The following LRRC4C variants were observed in gnomAD, a reference collection of about 807,000 sequenced individuals.
LRRC4C encodes leucine-rich repeat-containing protein 4C.
A neutral mutation model predicts 33.6 loss-of-function variants in LRRC4C; 5 were observed. The observed-to-expected ratio is 0.15, with a 90% CI of 0.08 to 0.31. LRRC4C has a LOEUF of 0.31. Among genes scored for constraint, LRRC4C ranks in the 10% least tolerant of loss-of-function variants. The probability of loss-of-function intolerance (pLI) is 1.00; values close to 1 mark genes in which losing one functional copy is unlikely to be tolerated. For missense variants in LRRC4C, 560 were observed against 796.7 expected, an observed-to-expected ratio of 0.70 and a Z score of 3.58; for synonymous variants, 329 against 302.0, an observed-to-expected ratio of 1.09 and a Z score of -0.93.
At chr11:41,032,293 A>G (rs1465932771) in intron 1 of LRRC4C, among the ~76,000 whole-genome samples, 4 of 152,088 alleles carry the variant, frequency 2.6e-5, no homozygotes, top group African/African-American at 4.8e-5. Context: ...GATCATATAC[A>G]TCACAATTCT....
chr11:41,458,322 T>A (rs1590344549), intron 1 of LRRC4C, among the ~76,000 whole-genome samples: 1 of 152,162 alleles, frequency 6.6e-6, no homozygotes, highest in Non-Finnish European at 1.5e-5. Context: ...AGAGTAAGAT[T>A]CTGTTGCCTT....
intron 1 of LRRC4C, among the ~76,000 whole-genome samples, chr11:41,381,802 GC>G (rs546762836): frequency 9.3e-5 from 14 of 151,324 alleles, no homozygotes; most frequent in South Asian, 2.1e-4. Context: ...ATTTGAAAAG[GC>G]ATCAAGTAGA....
At chr11:40,901,334 G>A (rs1446602828) in intron 2 of LRRC4C, among the ~76,000 whole-genome samples, 1 of 151,898 alleles carries the variant, frequency 6.6e-6, no homozygotes, top group Non-Finnish European at 1.5e-5. Context: ...AACTCCAAGG[G>A]CTAACAGTGA....
At position 41,273,623 on chromosome 11, in the gene LRRC4C, A is replaced by T. The variant is rs115421934; in HGVS notation, c.-496+185808T>A. On this transcript the variant is annotated intron_variant, in intron 1 of 6. Transcript: ENST00000528697. ...GAAAATGGAGAATTATTGCTCAGTG[A>T]ATATTCATTTTCAGTTACGCAAGAC... 3.7e-3 allele frequency among the ~76,000 whole-genome samples: 562 copies of T among 152,308 alleles called. 2 individuals carry two copies. The highest frequency in any genetic ancestry group is 0.012 in the African/African-American group (485 of 41,582).
intron 1 of LRRC4C, among the ~76,000 whole-genome samples, chr11:41,325,318 C>G (rs145860268): frequency 6.6e-6 from 1 of 152,056 alleles, no homozygotes; most frequent in Non-Finnish European, 1.5e-5. Flanking sequence ...TTATTGAAAA[C>G]TCACTTTTGT....
intron 2 of LRRC4C, among the ~76,000 whole-genome samples, chr11:40,710,535 C>T (rs1052636686): frequency 6.6e-6 from 1 of 152,136 alleles, no homozygotes; most frequent in East Asian, 1.9e-4. Flanking sequence ...TGCAGAACAG[C>T]AAATATTGCA....
intron 1 of LRRC4C, among the ~76,000 whole-genome samples, chr11:41,187,826 G>T (rs1350072014): frequency 2.0e-5 from 3 of 152,182 alleles, no homozygotes; most frequent in East Asian, 1.9e-4. Context: ...GCATGCTCCC[G>T]CTAGAGGTTT....
intron 1 of LRRC4C, among the ~76,000 whole-genome samples, chr11:41,044,185 A>G (rs1184683121): frequency 6.6e-6 from 1 of 152,154 alleles, no homozygotes; most frequent in African/African-American, 2.4e-5. Context: ...AGAATTTTTT[A>G]TAAATCCATA....
At chr11:41,386,732 T>C (rs532531516) in intron 1 of LRRC4C, among the ~76,000 whole-genome samples, 2 of 151,772 alleles carry the variant, frequency 1.3e-5, no homozygotes, top group African/African-American at 4.8e-5. Context: ...CCCAACAGAC[T>C]GAATAATGTC....
intron 2 of LRRC4C, among the ~76,000 whole-genome samples, chr11:40,794,881 G>A (rs1340321290): frequency 1.3e-5 from 2 of 152,142 alleles, no homozygotes; most frequent in Non-Finnish European, 2.9e-5. Flanking sequence ...TCTGGCCTAG[G>A]ATCAAGGTTT....
intron 3 of LRRC4C, among the ~76,000 whole-genome samples, chr11:40,397,719 G>A (rs899069120): frequency 6.6e-6 from 1 of 152,074 alleles, no homozygotes; most frequent in African/African-American, 2.4e-5. Flanking sequence ...ACACCTGCTA[G>A]CAGTAGGCTG....
chr11:41,002,375 C>G (rs944813424), intron 1 of LRRC4C, among the ~76,000 whole-genome samples: 1 of 152,106 alleles, frequency 6.6e-6, no homozygotes, highest in African/African-American at 2.4e-5. Context: ...TACCCATCAT[C>G]CATCTTGCCA....
At chr11:41,239,748 T>C (rs1214079500) in intron 1 of LRRC4C, among the ~76,000 whole-genome samples, 1 of 152,226 alleles carries the variant, frequency 6.6e-6, no homozygotes, top group African/African-American at 2.4e-5. Context: ...AGGTCAGGGA[T>C]TTTGTATATA....
At chr11:40,251,512 C>T (rs1866782482) in intron 4 of LRRC4C, among the ~76,000 whole-genome samples, 1 of 152,160 alleles carries the variant, frequency 6.6e-6, no homozygotes, top group East Asian at 1.9e-4. Context: ...TTCCCCCAGC[C>T]TCATGCCCCA....
chr11:41,132,170 T>C (rs1329614484), intron 1 of LRRC4C, among the ~76,000 whole-genome samples: 10 of 152,140 alleles, frequency 6.6e-5, no homozygotes. Context: ...AGTAACAATA[T>C]CTTTCACAGA....
At chr11:41,325,576 T>TG (rs1565582905) in intron 1 of LRRC4C, among the ~76,000 whole-genome samples, 1,615 of 65,384 alleles carry the variant, frequency 0.025, 32 homozygotes, top group African/African-American at 0.061. Flanking sequence ...GTTTTTTTTT[T>TG]TTGTGTGTGT....
intron 1 of LRRC4C, among the ~76,000 whole-genome samples, chr11:41,183,711 T>C (rs1399745634): frequency 6.6e-6 from 1 of 152,190 alleles, no homozygotes; most frequent in Non-Finnish European, 1.5e-5. Context: ...AGTGGCCCTC[T>C]TCTCACAGCT....
intron 6 of LRRC4C, among the ~76,000 whole-genome samples, chr11:40,126,611 C>A (rs1856246003): frequency 6.6e-6 from 1 of 152,034 alleles, no homozygotes; most frequent in African/African-American, 2.4e-5. Context: ...TATTTACATG[C>A]CATAAAGAAT....
rs557418632 is a variant in LRRC4C, at chr11:41,114,227, T to C, written c.-495-180504A>G. Among the ~76,000 whole-genome samples, 5 of 152,192 alleles carry C rather than the reference T, an allele frequency of 3.3e-5. No individual in the cohort carries two copies. The South Asian group carries it at 1.0e-3, about 32-fold the overall frequency. ...CAACTATTTCCAAGAAAATTTTCAA[T>C]GGCTTTAAATCTTTTTTTAAAAATC... On this transcript the variant is annotated intron_variant, in intron 1 of 6. Transcript: ENST00000528697.
Sources: allele counts gnomAD v4.1 joint callset (sites outside exome capture counted in the v4.1 genomes callset), GRCh38; gene constraint gnomAD v4.1.1; transcripts MANE v1.5; gene names NCBI Gene and HGNC (gene_info 2026-07-23, HGNC 2026-07-21).